POM121: variants seen among roughly 807,000 people sequenced by gnomAD.
POM121 encodes the protein POM121 transmembrane nucleoporin.
Under a neutral mutation model 81.3 loss-of-function variants are expected in POM121, and 32 were observed. That is an observed-to-expected ratio of 0.39 (90% CI 0.30 to 0.53). The LOEUF is 0.53. Among genes scored for constraint, POM121 ranks in the 20% least tolerant of loss-of-function variants. POM121 has a pLI of 0.66. For synonymous variants in POM121, 514 were observed against 694.2 expected, an observed-to-expected ratio of 0.74 and a Z score of 4.08; for missense variants, 1,138 against 1,614.6, an observed-to-expected ratio of 0.70 and a Z score of 5.06.
In POM121 at chr7:72,944,467, A is replaced by G. The variant is rs530413033; in HGVS notation, c.3529+945A>G. Among the ~76,000 whole-genome samples the G allele has an allele frequency of 1.2e-4, 19 of 152,050 alleles. 1 individual carries two copies. The highest frequency in any genetic ancestry group is 1.2e-3 in the Admixed American group (19 of 15,264). On this transcript the variant is annotated intron_variant, in intron 11 of 12. Coordinates refer to ENST00000434423, the MANE Select transcript of POM121 (RefSeq NM_001387691.1). ...GGACAGTGGGGGAAAGGAACATCAT[A>G]TTAAAAAGTGTGATCAGTTTCCAGG...
intron 3 of POM121, among the ~76,000 whole-genome samples, chr7:72,912,512 C>T (rs1463142253): frequency 6.6e-6 from 1 of 152,086 alleles, no homozygotes; most frequent in Admixed American, 6.6e-5. Context: ...CGTGGTGGCT[C>T]ACACCTGTAA....
chr7:72,893,322 G>A (rs570265801), intron 3 of POM121, among the ~76,000 whole-genome samples: 10 of 151,946 alleles, frequency 6.6e-5, no homozygotes, highest in African/African-American at 2.4e-4. Flanking sequence ...GGTGGCTCAT[G>A]CCTGTAATCC....
At position 72,925,245 on chromosome 7, in the gene POM121, GT is replaced by G; in HGVS notation, c.126del (p.Gly43AlafsTer16). ...GGCGGTGCTCCTGGGCCTGTCGCTGGTTGGCCTCTTACTGTACCTCGTGCCG... is the reference window on the plus strand; with the variant it reads ...GGCGGTGCTCCTGGGCCTGTCGCTGGTGGCCTCTTACTGTACCTCGTGCCG... ...ARAVLLGLSL[V>X]GLLLYLVPAA... is the part of the protein sequence containing the mutation. On this transcript the variant is annotated frameshift_variant, in exon 1 of 13. Transcript: ENST00000434423. LOFTEE classifies it high-confidence loss of function. The G allele has an allele frequency of 6.5e-7, 1 of 1,534,094 alleles. No homozygotes were observed. Among genetic ancestry groups the G allele is most frequent in the South Asian group, 1.2e-5 (1 of 83,902 alleles).
chr7:72,926,704 G>C (rs564579028), intron 2 of POM121, 98 bp from the exon 3 acceptor site: 1 of 1,525,360 alleles, frequency 6.6e-7, no homozygotes, highest in East Asian at 2.3e-5. Flanking sequence ...TTATACTTTG[G>C]CCTGTTGGTT....
chr7:72,935,076 G>C (rs1164155131), intron 5 of POM121, among the ~76,000 whole-genome samples: 2 of 151,676 alleles, frequency 1.3e-5, no homozygotes, highest in Non-Finnish European at 2.9e-5. Flanking sequence ...TACTGATTGG[G>C]ATTGCCTTTC....
chr7:72,906,150 C>T (rs1429899902), intron 3 of POM121, among the ~76,000 whole-genome samples: 3 of 152,172 alleles, frequency 2.0e-5, no homozygotes, highest in Non-Finnish European at 4.4e-5. Context: ...CACCTAACAT[C>T]GATTTCCTTA....
At position 72,926,782 on chromosome 7, in the gene POM121, A is replaced by G. The variant is rs782135911; in HGVS notation, c.861-20A>G. On this transcript the variant is annotated intron_variant, in intron 2 of 12. Coordinates refer to ENST00000434423, the MANE Select transcript of POM121 (RefSeq NM_001387691.1). ...GGGAATTAAAATATCTTACAGCTAG[A>G]ATCTTGTCTTTCATTGTAGACCAGA... 2 of 1,610,642 alleles carry G rather than the reference A, an allele frequency of 1.2e-6. No individual in the cohort carries two copies. Among genetic ancestry groups the G allele is most frequent in the Admixed American group, 3.4e-5 (2 of 59,352 alleles).
In POM121 at chr7:72,946,494, C is replaced by T. The variant is rs1797702401; in HGVS notation, c.*260C>T. The T allele has an allele frequency of 7.6e-7, 1 of 1,308,232 alleles. No homozygotes were observed. Among genetic ancestry groups the T allele is most frequent in the African/African-American group, 1.5e-5 (1 of 66,354 alleles). 81.0% of individuals were successfully genotyped at this position (1,308,232 alleles called of 1,614,324 possible). A position where few individuals can be genotyped will look rare whatever the true frequency, so the allele number is the denominator to read the frequency against. On this transcript the variant is annotated 3_prime_UTR_variant, in exon 13 of 13. Coordinates refer to ENST00000434423, the MANE Select transcript of POM121 (RefSeq NM_001387691.1). ...CAGTTCTACTGGGGAGGCTGGAGAACTAAGGAAACACCTGTACATAGTGTC... is the reference window on the plus strand; with the variant it reads ...CAGTTCTACTGGGGAGGCTGGAGAATTAAGGAAACACCTGTACATAGTGTC...
Position 72,943,188 on chromosome 7 carries a change from C to G in POM121, c.3195C>G (p.Phe1065Leu), listed in dbSNP as rs782715434. The G allele has an allele frequency of 6.2e-7, 1 of 1,613,302 alleles. No homozygotes were observed. The highest frequency in any genetic ancestry group is 8.5e-7 in the Non-Finnish European group (1 of 1,179,826). ...PAFGGSTAVF[F>L]GAATSSGFGA... Reference sequence around the variant, plus strand: ...TTGGCGGCTCCACTGCTGTCTTCTTCGGTGCAGCCACCAGCTCCGGCTTTG... The same window carrying G: ...TTGGCGGCTCCACTGCTGTCTTCTTGGGTGCAGCCACCAGCTCCGGCTTTG... The change falls in exon 11 of 13, where the codon TTC becomes TTG. Residue 1065 changes from phenylalanine to leucine, a missense_variant. Coordinates refer to ENST00000434423, the MANE Select transcript of POM121 (RefSeq NM_001387691.1).
chr7:72,887,758 C>T (rs1284943229), intron 1 of POM121, among the ~76,000 whole-genome samples: 2 of 152,146 alleles, frequency 1.3e-5, no homozygotes, highest in African/African-American at 2.4e-5. Flanking sequence ...TCCCGGGAGA[C>T]AGAGGTTGCA....
intron 6 of POM121, 35 bp downstream of exon 6, chr7:72,938,716 CG>C: frequency 2.5e-6 from 4 of 1,602,226 alleles, no homozygotes; most frequent in Non-Finnish European, 3.4e-6. Flanking sequence ...TCATTTGCTG[CG>C]TGGACAGGCG....
rs148089133 is a variant in POM121 at position 72,945,636 on chromosome 7, A to C, written c.3580A>C (p.Thr1194Pro). The change falls in exon 12 of 13, where the codon ACA (threonine) becomes CCA (proline). Residue 1194 changes from threonine (T) to proline (P), a missense_variant. Coordinates refer to ENST00000434423, the MANE Select transcript of POM121 (RefSeq NM_001387691.1). ...GLNTPAPGVGTSGSSLSFGAS... is the reference protein window; with the variant it reads ...GLNTPAPGVGPSGSSLSFGAS... ...GAACACCCCTGCGCCTGGAGTGGGC[A>C]CATCAGGCAGCAGCCTCTCCTTTGG... The C allele has an allele frequency of 2.6e-4, 418 of 1,613,124 alleles. 6 individuals are homozygous for C. The African/African-American group carries it at 5.1e-3, about 20-fold the overall frequency.
chr7:72,891,599 G>A (rs1791302257), intron 3 of POM121, among the ~76,000 whole-genome samples: 1 of 152,122 alleles, frequency 6.6e-6, no homozygotes, highest in South Asian at 2.1e-4. Context: ...TAGAGACAGG[G>A]TTTCACCATG....
intron 5 of POM121, among the ~76,000 whole-genome samples, chr7:72,937,775 T>G (rs1242860005): frequency 2.6e-5 from 4 of 152,190 alleles, no homozygotes; most frequent in Non-Finnish European, 4.4e-5. Flanking sequence ...TTGCTGCTGG[T>G]CTGTGGAGGA....
chr7:72,898,136 GGAGTTGTTATTTATT>G (rs2129575337), intron 3 of POM121, among the ~76,000 whole-genome samples: 1 of 152,356 alleles, frequency 6.6e-6, no homozygotes, highest in African/African-American at 2.4e-5. Flanking sequence ...CTTTAAGAAT[GGAGTTGTTATTTATT>G]GAGTTGGCAA....
At chr7:72,949,894 G>T (rs782190178), downstream of POM121, 13 of 1,609,110 alleles carry the variant, frequency 8.1e-6, no homozygotes, top group East Asian at 2.9e-4. Flanking sequence ...TATTGCCTGG[G>T]GTGGCACAGG....
intron 1 of POM121, among the ~76,000 whole-genome samples, chr7:72,883,129 T>A (rs1790329475): frequency 6.6e-6 from 1 of 152,180 alleles, no homozygotes; most frequent in African/African-American, 2.4e-5. Context: ...AACCTCAATC[T>A]CCTGGGCCCA....
rs1554497962 is a variant in POM121 at position 72,928,397 on chromosome 7, C to T, written c.1035C>T (p.Ser345=). The change falls in exon 4 of 13, where the codon AGC becomes AGT. Residue 345 remains serine (S), a synonymous_variant. Coordinates refer to ENST00000434423, the MANE Select transcript of POM121 (RefSeq NM_001387691.1). ...GQENKRRRHD[S]SGSGHSAFEP... ...TGATTTGTCGCAGGCGCCATGATAG[C>T]AGTGGCAGTGGACATTCAGCATTTG... 2.5e-6 allele frequency: 4 copies of T among 1,614,110 alleles called. No individual in the cohort carries two copies. The highest frequency in any genetic ancestry group is 1.3e-5 in the African/African-American group (1 of 74,932).
rs1554493157 is a variant in POM121 at position 72,904,795 on chromosome 7, T to G, written c.-215-8970T>G. 2.0e-5 allele frequency among the ~76,000 whole-genome samples: 3 copies of G among 152,228 alleles called. No homozygotes were observed. The East Asian group carries it at 5.8e-4, about 29-fold the overall frequency. Reference sequence around the variant, plus strand: ...TAATTGATTCACAGTTCCACTTGGCTGGGGAGGTCTCAGGACACTTACAAT... The same window carrying G: ...TAATTGATTCACAGTTCCACTTGGCGGGGGAGGTCTCAGGACACTTACAAT... On this transcript the variant is annotated intron_variant, in intron 3 of 15. Transcript: ENST00000395270.
Sources: allele counts gnomAD v4.1 joint callset (sites outside exome capture counted in the v4.1 genomes callset), GRCh38; gene constraint gnomAD v4.1.1; transcripts MANE v1.5; gene names NCBI Gene and HGNC (gene_info 2026-07-23, HGNC 2026-07-21).